Variants in CELF4 observed in about 807,000 individuals in gnomAD.
The protein encoded by CELF4 is CUGBP Elav-like family member 4, also known as CUG-BP- and ETR-3-like factor 4.
A neutral mutation model predicts 59.9 loss-of-function variants in CELF4; 18 were observed. That is an observed-to-expected ratio of 0.30 (90% CI 0.21 to 0.45). The LOEUF (loss-of-function observed/expected upper bound fraction) is 0.45, where lower values mean the gene tolerates loss of function less well. Ranked by LOEUF, CELF4 falls within the 20% of genes least tolerant of loss-of-function variation. The pLI, the probability that CELF4 is intolerant of heterozygous loss-of-function variation, is 1.00. For synonymous variants in CELF4, 261 were observed against 267.1 expected (o/e 0.98, Z 0.22); for missense variants, 456 against 689.0 (o/e 0.66, Z 3.79).
intron 3 of CELF4, among the ~76,000 whole-genome samples, chr18:37,318,507 C>T (rs1212449375): frequency 2.6e-5 from 4 of 151,374 alleles, no homozygotes; most frequent in African/African-American, 9.7e-5. Flanking sequence ...TTATTTTAAA[C>T]TAACTTTCTT....
At chr18:37,562,043 C>T (rs977772774) in intron 1 of CELF4, among the ~76,000 whole-genome samples, 1 of 152,028 alleles carries the variant, frequency 6.6e-6, no homozygotes, top group Non-Finnish European at 1.5e-5. Context: ...ACCCAGATAC[C>T]CCTCTCCCCA....
intron 3 of CELF4, among the ~76,000 whole-genome samples, chr18:37,312,822 C>T (rs571533928): frequency 1.1e-3 from 169 of 152,308 alleles, no homozygotes; most frequent in African/African-American, 4.0e-3. Context: ...TCCAAACTCC[C>T]CTTGGTTTCC....
At chr18:37,485,667 G>A (rs1279778899) in intron 1 of CELF4, 60 bp from the exon 2 acceptor site, 6 of 1,133,166 alleles carry the variant, frequency 5.3e-6, no homozygotes, top group Non-Finnish European at 6.9e-6. Context: ...CCGCCGACGC[G>A]CCCTGCCGCC....
intron 2 of CELF4, among the ~76,000 whole-genome samples, chr18:37,371,815 G>A (rs528338023): frequency 1.3e-5 from 2 of 152,338 alleles, no homozygotes; most frequent in East Asian, 3.9e-4. Context: ...GGGTGACTGA[G>A]GCTTATGCCT....
chr18:37,305,468 G>A (rs982726176), intron 3 of CELF4: 1 of 152,262 alleles, frequency 6.6e-6, no homozygotes, highest in African/African-American at 2.4e-5. Flanking sequence ...AGGCAGGCAG[G>A]TTCCTCTGTC....
At position 37,459,686 on chromosome 18, in the gene CELF4, G is replaced by A. The variant is rs371065610; in HGVS notation, c.369+25839C>T. ...CTCAGAGTCTGGAGGGATGCATGCC[G>A]ATCTTCAGCAGCTCTGTCTTGCAGC... On this transcript the variant is annotated intron_variant, in intron 2 of 12. Transcript: ENST00000420428. Among the ~76,000 whole-genome samples the A allele has an allele frequency of 6.6e-5, 10 of 152,246 alleles. No individual in the cohort carries two copies. The East Asian group carries it at 1.7e-3, about 27-fold the overall frequency.
At chr18:37,454,777 A>T (rs1336419911) in intron 2 of CELF4, among the ~76,000 whole-genome samples, 1 of 152,248 alleles carries the variant, frequency 6.6e-6, no homozygotes, top group African/African-American at 2.4e-5. Context: ...TTTAAAAATA[A>T]CATGATTAAC....
At chr18:37,515,791 G>A (rs979294333) in intron 1 of CELF4, among the ~76,000 whole-genome samples, 1 of 152,106 alleles carries the variant, frequency 6.6e-6, no homozygotes, top group Non-Finnish European at 1.5e-5. Context: ...AGTAAGTGCT[G>A]ACTGGGAAGG....
chr18:37,400,214 TGA>T (rs1215090378), intron 2 of CELF4, among the ~76,000 whole-genome samples: 1 of 152,364 alleles, frequency 6.6e-6, no homozygotes, highest in South Asian at 2.1e-4. Flanking sequence ...AACTCATGCC[TGA>T]GAGTTTCTAG....
At chr18:37,544,538 T>G (rs996124018) in intron 1 of CELF4, among the ~76,000 whole-genome samples, 1 of 152,154 alleles carries the variant, frequency 6.6e-6, no homozygotes, top group South Asian at 2.1e-4. Flanking sequence ...AACAAAGAAC[T>G]TGCACGTAAT....
chr18:37,342,335 C>T lies in CELF4; in HGVS notation c.370-20454G>A, dbSNP rs1240236569. Reference sequence around the variant, plus strand: ...TTCCTGCCAGCAGTCCCTAGGGCCCCATAAAGATAGCAACCTTCTCTGAGC... The same window carrying T: ...TTCCTGCCAGCAGTCCCTAGGGCCCTATAAAGATAGCAACCTTCTCTGAGC... On this transcript the variant is annotated intron_variant, in intron 2 of 12. Transcript: ENST00000420428. 2.0e-5 allele frequency among the ~76,000 whole-genome samples: 3 copies of T among 152,224 alleles called. No homozygotes were observed. In the East Asian group the frequency reaches 5.8e-4, roughly 29 times the overall value.
At chr18:37,373,112 G>A (rs575569573) in intron 2 of CELF4, among the ~76,000 whole-genome samples, 1 of 152,378 alleles carries the variant, frequency 6.6e-6, no homozygotes, top group East Asian at 1.9e-4. Flanking sequence ...GCAAGCCAGA[G>A]AGACTGAGGC....
intron 2 of CELF4, among the ~76,000 whole-genome samples, chr18:37,322,565 C>G (rs186695068): frequency 9.0e-4 from 137 of 152,298 alleles, no homozygotes; most frequent in African/African-American, 3.3e-3. Flanking sequence ...TAGCCGCCGG[C>G]CTCTCTCTTC....
chr18:37,330,402 G>C (rs577672846), intron 2 of CELF4, among the ~76,000 whole-genome samples: 1 of 152,018 alleles, frequency 6.6e-6, no homozygotes, highest in Non-Finnish European at 1.5e-5. Context: ...CCGCAGAAGC[G>C]GCACACATTA....
chr18:37,262,600 G>T (rs1421351930), intron 10 of CELF4, among the ~76,000 whole-genome samples: 1 of 152,186 alleles, frequency 6.6e-6, no homozygotes, highest in East Asian at 1.9e-4. Flanking sequence ...TGTGTGAAGG[G>T]TGGGGCAGGA....
chr18:37,278,996 T>C (rs1308536227), intron 3 of CELF4, among the ~76,000 whole-genome samples: 1 of 152,200 alleles, frequency 6.6e-6, no homozygotes, highest in East Asian at 1.9e-4. Flanking sequence ...CGCAAGAGTC[T>C]TGGAGAATGA....
chr18:37,273,553 G>T, intron 6 of CELF4: 1 of 999,894 alleles, frequency 1.0e-6, no homozygotes, highest in Non-Finnish European at 1.2e-6. Context: ...TTTCTGTCCA[G>T]AATGGTTTTA....
chr18:37,528,192 G>A (rs1241460986), intron 1 of CELF4, among the ~76,000 whole-genome samples: 1 of 152,218 alleles, frequency 6.6e-6, no homozygotes, highest in Non-Finnish European at 1.5e-5. Flanking sequence ...TGAGTAAGGA[G>A]TTTGAGGAAA....
chr18:37,484,385 A>G (rs1202911948), intron 2 of CELF4, among the ~76,000 whole-genome samples: 6 of 152,230 alleles, frequency 3.9e-5, no homozygotes, highest in African/African-American at 9.6e-5. Flanking sequence ...TGAAAAAACA[A>G]CTGGGGAATG....
Sources: allele counts gnomAD v4.1 joint callset (sites outside exome capture counted in the v4.1 genomes callset), GRCh38; gene constraint gnomAD v4.1.1; transcripts MANE v1.5; gene names NCBI Gene and HGNC (gene_info 2026-07-23, HGNC 2026-07-21).